Variants in CHTOP observed in about 807,000 individuals in gnomAD.
CHTOP encodes the protein chromatin target of PRMT1 protein.
Under a neutral mutation model 33.6 loss-of-function variants are expected in CHTOP, and 18 were observed. The observed-to-expected ratio is 0.54, with a 90% CI of 0.37 to 0.80. The LOEUF is 0.80. Ranked by LOEUF, CHTOP falls within the 30% of genes least tolerant of loss-of-function variation. CHTOP has a pLI of 0.00. For missense variants in CHTOP, 263 were observed against 336.8 expected, an observed-to-expected ratio of 0.78 and a Z score of 1.71; for synonymous variants, 117 against 127.7, an observed-to-expected ratio of 0.92 and a Z score of 0.56.
chr1:153,642,592 T>C, intron 4 of CHTOP, 163 bp downstream of exon 4: 1 of 525,168 alleles, frequency 1.9e-6, no homozygotes, highest in Non-Finnish European at 3.2e-6. Context: ...CTTTTATCAA[T>C]ACCATTCCTT....
In CHTOP at chr1:153,638,943, C is replaced by T. The variant is rs995208154; in HGVS notation, c.219+495C>T. Among the ~76,000 whole-genome samples the T allele has an allele frequency of 5.3e-5, 8 of 150,464 alleles. No individual in the cohort carries two copies. In the East Asian group the frequency reaches 9.8e-4, roughly 18 times the overall value. ...TCGCCCAGGCTGGAGTGCAGTGGCA[C>T]GATCTCGGCTCACTGCAAGCTCCGC... On this transcript the variant is annotated intron_variant, in intron 3 of 5. Coordinates refer to ENST00000368694, the MANE Select transcript of CHTOP (RefSeq NM_015607.4).
rs1405204428 is a variant in CHTOP, at chr1:153,636,074, A to G, written c.-17-498A>G. Among the ~76,000 whole-genome samples, 3 of 143,936 alleles carry G rather than the reference A, an allele frequency of 2.1e-5. No individual in the cohort carries two copies. In the East Asian group the frequency reaches 6.1e-4, roughly 29 times the overall value. The allele number at this position is 143,936 out of a possible 152,430, so 94.4% of individuals were successfully genotyped here. ...GTAGCTAGGACAACAGGTGCTGGCC[A>G]CCATGCACCGCTAATTTTTTTTTTT... On this transcript the variant is annotated intron_variant, in intron 1 of 5. Transcript: ENST00000368694.
At chr1:153,644,922 CT>C in intron 5 of CHTOP, 141 bp from the exon 6 acceptor site, 16 of 685,674 alleles carry the variant, frequency 2.3e-5, no homozygotes, top group Non-Finnish European at 2.6e-5. Context: ...ATTGTGTTTC[CT>C]TTTTTTCCAG....
At chr1:153,644,447 G>T (rs1207311731) in intron 5 of CHTOP, 1 of 152,248 alleles carries the variant, frequency 6.6e-6, no homozygotes, top group East Asian at 1.9e-4. Flanking sequence ...TTGTCATAAG[G>T]TAACTAGAAT....
At chr1:153,644,946 T>C (rs2101696134) in intron 5 of CHTOP, 118 bp from the exon 6 acceptor site, 1 of 843,424 alleles carries the variant, frequency 1.2e-6, no homozygotes, top group South Asian at 1.8e-5. Flanking sequence ...TTCTCCTCTT[T>C]GCCCTGCCCT....
In CHTOP at chr1:153,645,271, G is replaced by A. The variant is rs752034498; in HGVS notation, c.*2G>A. Reference sequence around the variant, plus strand: ...ACAGATCCCGAAACCAATGATTGAAGCCTGCCCATCCTCCCATGAGAGACT... The same window carrying A: ...ACAGATCCCGAAACCAATGATTGAAACCTGCCCATCCTCCCATGAGAGACT... On this transcript the variant is annotated 3_prime_UTR_variant, in exon 6 of 6. Transcript: ENST00000368694. 6.2e-7 allele frequency: 1 copy of A among 1,614,010 alleles called. No homozygotes were observed. The highest frequency in any genetic ancestry group is 1.3e-5 in the African/African-American group (1 of 75,056).
Position 153,646,295 on chromosome 1 carries a change from C to T in CHTOP, c.*1026C>T, listed in dbSNP as rs1332753551. The T allele has an allele frequency of 6.6e-6, 1 of 151,646 alleles. No individual in the cohort carries two copies. Among genetic ancestry groups the T allele is most frequent in the African/African-American group, 2.4e-5 (1 of 41,262 alleles). The allele number at this position is 151,646 out of a possible 1,614,324, so 9.4% of individuals were successfully genotyped here. ...TTCTGGTTCATTATAACAAACTGTT[C>T]GCTTAAATCCACCCAGGACTCTCTT... On this transcript the variant is annotated 3_prime_UTR_variant, in exon 6 of 6. Transcript: ENST00000368694.
Position 153,645,338 on chromosome 1 carries a change from A to T in CHTOP, c.*69A>T. 6.8e-7 allele frequency: 1 copy of T among 1,466,454 alleles called. No homozygotes were observed. Among genetic ancestry groups the T allele is most frequent in the African/African-American group, 1.4e-5 (1 of 72,290 alleles). 90.8% of individuals were successfully genotyped at this position (1,466,454 alleles called of 1,614,324 possible). On this transcript the variant is annotated 3_prime_UTR_variant, in exon 6 of 6. Coordinates refer to ENST00000368694, the MANE Select transcript of CHTOP (RefSeq NM_015607.4). Reference sequence around the variant, plus strand: ...TCTGTAAATAACCTTGAGATAACAGATGAGAAGAAATCTGATTGATGCTGG... The same window carrying T: ...TCTGTAAATAACCTTGAGATAACAGTTGAGAAGAAATCTGATTGATGCTGG...
chr1:153,640,926 A>G (rs2101689776), intron 3 of CHTOP, among the ~76,000 whole-genome samples: 1 of 152,312 alleles, frequency 6.6e-6, no homozygotes, highest in East Asian at 1.9e-4. Context: ...GGAATGGGTA[A>G]AGAACTTCCC....
chr1:153,638,939 G>C (rs886395978), intron 3 of CHTOP, among the ~76,000 whole-genome samples: 2 of 150,882 alleles, frequency 1.3e-5, no homozygotes, highest in Non-Finnish European at 2.9e-5. Context: ...GGAGTGCAGT[G>C]GCACGATCTC....
chr1:153,640,450 CAGTG>C (rs1287505845), intron 3 of CHTOP, among the ~76,000 whole-genome samples: 1 of 151,862 alleles, frequency 6.6e-6, no homozygotes, highest in Non-Finnish European at 1.5e-5. Context: ...GCTTGGGTGA[CAGTG>C]AGACTCTGTC....
chr1:153,642,533 A>G (rs574374334), intron 4 of CHTOP, 104 bp downstream of exon 4: 37 of 861,386 alleles, frequency 4.3e-5, no homozygotes, highest in Middle Eastern at 3.5e-4. Flanking sequence ...CTGAATTTGT[A>G]TTAATATAAT....
chr1:153,644,932 A>C, intron 5 of CHTOP, 132 bp from the exon 6 acceptor site: 2 of 732,428 alleles, frequency 2.7e-6, no homozygotes, highest in Non-Finnish European at 4.4e-6. Context: ...CTTTTTTTCC[A>C]GATTTCTCCT....
chr1:153,641,694 CAG>C (rs905093704), intron 3 of CHTOP, among the ~76,000 whole-genome samples: 5 of 152,166 alleles, frequency 3.3e-5, no homozygotes, highest in African/African-American at 7.2e-5. Context: ...AATAGATTCT[CAG>C]AGGAAAAATG....
intron 2 of CHTOP, chr1:153,637,571 C>G (rs1353618692): frequency 6.6e-6 from 1 of 152,206 alleles, no homozygotes. Context: ...TCACTTGAAC[C>G]CGTGAGGCGA....
At chr1:153,640,614 C>T (rs910787584) in intron 3 of CHTOP, among the ~76,000 whole-genome samples, 3 of 151,984 alleles carry the variant, frequency 2.0e-5, no homozygotes, top group Non-Finnish European at 2.9e-5. Flanking sequence ...ACCCCGTCTC[C>T]ACCAAAAATA....
chr1:153,640,931 CT>C (rs1316436073), intron 3 of CHTOP, among the ~76,000 whole-genome samples: 1 of 152,188 alleles, frequency 6.6e-6, no homozygotes, highest in Non-Finnish European at 1.5e-5. Flanking sequence ...GGGTAAAGAA[CT>C]TCCCAGCACT....
At position 153,636,664 on chromosome 1, in the gene CHTOP, C is replaced by T; in HGVS notation, c.65+11C>T. ...GTCTCTAAATGAGCGGTGAGGCAGC[C>T]AACAGCAACTTCAACTCCTTCCTAA... On this transcript the variant is annotated intron_variant, in intron 2 of 5. Transcript: ENST00000368694. The T allele has an allele frequency of 6.2e-7, 1 of 1,611,256 alleles. No homozygotes were observed. Among genetic ancestry groups the T allele is most frequent in the South Asian group, 1.1e-5 (1 of 90,966 alleles).
Position 153,638,433 on chromosome 1 carries a change from A to G in CHTOP, c.204A>G (p.Ala68=), listed in dbSNP as rs1668491070. ...QMENRPSVQA[A]LKLKQSLKQR... ...AGAATAGACCCTCTGTCCAGGCAGC[A>G]TTAAAACTTAAGCAGGTGAGAGAAT... is the stretch of plus-strand genomic sequence containing the variant. Residue 68 remains alanine (A), a synonymous_variant, in exon 3 of 6, where the codon GCA becomes GCG. Coordinates refer to ENST00000368694, the MANE Select transcript of CHTOP (RefSeq NM_015607.4). 3.1e-6 allele frequency: 5 copies of G among 1,614,242 alleles called. No homozygotes were observed. In the South Asian group the frequency reaches 4.4e-5, roughly 14 times the overall value.
Sources: gnomAD v4.1 joint callset for allele counts (sites outside exome capture counted in the v4.1 genomes callset) on GRCh38, gnomAD v4.1.1 for gene constraint, MANE v1.5 for transcripts, NCBI Gene and HGNC (gene_info 2026-07-23, HGNC 2026-07-21) for gene names.